Variants in FYN observed in about 807,000 individuals in gnomAD.
FYN encodes FYN proto-oncogene, Src family tyrosine kinase.
FYN carries 10 observed loss-of-function variants against 70.2 expected under a neutral mutation model. The observed-to-expected ratio is 0.14, with a 90% CI of 0.09 to 0.24. The LOEUF (loss-of-function observed/expected upper bound fraction) is 0.24. Ranked by LOEUF, FYN falls within the 10% of genes least tolerant of loss-of-function variation. The probability of loss-of-function intolerance (pLI) is 1.00; values close to 1 mark genes in which losing one functional copy is unlikely to be tolerated. For missense variants in FYN, 319 were observed against 673.1 expected (o/e 0.47, Z 5.82); for synonymous variants, 236 against 248.6 (o/e 0.95, Z 0.48).
rs970511419 is a variant in FYN at position 111,696,224 on chromosome 6, T to A, written c.1042+53A>T. ...GTAGGAAACTTCCATTTCTCTCCCC[T>A]AAACAACCCCTTAAGGCACTGTGAG... On this transcript the variant is annotated intron_variant, in intron 10 of 13. Coordinates refer to ENST00000354650, the MANE Select transcript of FYN (RefSeq NM_002037.5). 12 of 1,438,322 alleles carry A rather than the reference T, an allele frequency of 8.3e-6. No homozygotes were observed. In the East Asian group the frequency reaches 3.1e-4, roughly 37 times the overall value. The allele number at this position is 1,438,322 out of a possible 1,614,324, so 89.1% of individuals were successfully genotyped here.
chr6:111,826,689 T>G (rs200200612), intron 2 of FYN, among the ~76,000 whole-genome samples: 2 of 152,212 alleles, frequency 1.3e-5, no homozygotes, highest in Admixed American at 6.5e-5. Context: ...TAGTTTTGCA[T>G]AGGACATATC....
Position 111,675,564 on chromosome 6 carries a change from C to T in FYN, c.1274-934G>A, listed in dbSNP as rs559229082. Among the ~76,000 whole-genome samples, 7 of 152,034 alleles carry T rather than the reference C, an allele frequency of 4.6e-5. No homozygotes were observed. The South Asian group carries it at 6.2e-4, about 14-fold the overall frequency. On this transcript the variant is annotated intron_variant, in intron 12 of 13. Coordinates refer to ENST00000354650, the MANE Select transcript of FYN (RefSeq NM_002037.5). ...ATCCCAGCACCTTACAAGGCAGAGG[C>T]GGGCGGTCATTTGAGGTCAGGAGTT...
chr6:111,764,239 A>AAAAG (rs1212793752), intron 3 of FYN, among the ~76,000 whole-genome samples: 14 of 140,642 alleles, frequency 1.0e-4, no homozygotes, highest in African/African-American at 2.6e-4. Context: ...AAAAGAAAAG[A>AAAAG]AAAAAAAAGA....
In FYN at chr6:111,696,440, G is replaced by A. The variant is rs945930328; in HGVS notation, c.879C>T (p.Asn293=). 2.5e-6 allele frequency: 4 copies of A among 1,603,758 alleles called. No homozygotes were observed. The highest frequency in any genetic ancestry group is 3.4e-6 in the Non-Finnish European group (4 of 1,174,506). The change falls in exon 10 of 14, where the codon AAC becomes AAT. Residue 293 remains asparagine, a synonymous_variant. Coordinates refer to ENST00000354650, the MANE Select transcript of FYN (RefSeq NM_002037.5). ...TAAGAGTCTTTATGGCTACTTTTGT[G>A]TTTCCATTCCAGGTACCTACAAACA... ...GEVWMGTWNG[N]TKVAIKTLKP...
chr6:111,815,600 A>G (rs1772462108), intron 2 of FYN, among the ~76,000 whole-genome samples: 1 of 152,242 alleles, frequency 6.6e-6, no homozygotes, highest in African/African-American at 2.4e-5. Context: ...TGTAAAATAT[A>G]TAACTAGAGG....
chr6:111,680,766 A>C (rs779161714), intron 12 of FYN, among the ~76,000 whole-genome samples: 7 of 152,218 alleles, frequency 4.6e-5, no homozygotes, highest in Non-Finnish European at 7.3e-5. Flanking sequence ...CTCACATGTG[A>C]ATAATACCAA....
chr6:111,722,209 T>C (rs1800985132), intron 3 of FYN, among the ~76,000 whole-genome samples: 1 of 152,150 alleles, frequency 6.6e-6, no homozygotes, highest in Non-Finnish European at 1.5e-5. Context: ...AGAATGAAAA[T>C]GTTTGGAAAA....
At chr6:111,752,531 A>G (rs899455590) in intron 3 of FYN, among the ~76,000 whole-genome samples, 1 of 152,236 alleles carries the variant, frequency 6.6e-6, no homozygotes, top group South Asian at 2.1e-4. Flanking sequence ...CTAAATCTAG[A>G]GCAGGGTTGA....
chr6:111,691,453 G>A (rs1165610281), intron 12 of FYN, among the ~76,000 whole-genome samples: 1 of 152,186 alleles, frequency 6.6e-6, no homozygotes, highest in Admixed American at 6.5e-5. Context: ...TGTGGCCTGT[G>A]GGTAACATAA....
At chr6:111,664,265 G>A (rs922953171) in intron 13 of FYN, among the ~76,000 whole-genome samples, 4 of 148,730 alleles carry the variant, frequency 2.7e-5, no homozygotes, top group Admixed American at 1.3e-4. Flanking sequence ...AGGAACTGAG[G>A]GGAAACAGGC....
At chr6:111,796,600 A>G (rs2128517382) in intron 2 of FYN, among the ~76,000 whole-genome samples, 1 of 152,354 alleles carries the variant, frequency 6.6e-6, no homozygotes, top group South Asian at 2.1e-4. Flanking sequence ...GTGGTCTCCA[A>G]TTGAAGAAAA....
chr6:111,837,350 C>T (rs964166846), intron 2 of FYN, among the ~76,000 whole-genome samples: 2 of 151,826 alleles, frequency 1.3e-5, no homozygotes, highest in East Asian at 3.9e-4. Context: ...TTTTAAATTA[C>T]ATTTCCCCTA....
intron 1 of FYN, among the ~76,000 whole-genome samples, chr6:111,851,298 G>C (rs1385059831): frequency 6.6e-6 from 1 of 152,134 alleles, no homozygotes; most frequent in African/African-American, 2.4e-5. Flanking sequence ...ATTTATTTTA[G>C]CTCATTAAAA....
intron 2 of FYN, among the ~76,000 whole-genome samples, chr6:111,817,519 G>GA (rs1772527327): frequency 6.6e-6 from 1 of 152,130 alleles, no homozygotes; most frequent in Non-Finnish European, 1.5e-5. Context: ...ACTGAAAAAA[G>GA]AATCTCCATG....
intron 3 of FYN, among the ~76,000 whole-genome samples, chr6:111,771,770 G>A (rs1803462147): frequency 6.6e-6 from 1 of 152,196 alleles, no homozygotes; most frequent in Admixed American, 6.5e-5. Flanking sequence ...TAAAGATCCC[G>A]GTTTCCAGTC....
intron 2 of FYN, among the ~76,000 whole-genome samples, chr6:111,805,516 C>G (rs1772120068): frequency 6.6e-6 from 1 of 152,182 alleles, no homozygotes; most frequent in African/African-American, 2.4e-5. Context: ...CCTCACCAAA[C>G]CAGTCTTTAC....
chr6:111,725,663 C>A (rs1412206498), intron 3 of FYN, among the ~76,000 whole-genome samples: 1 of 152,200 alleles, frequency 6.6e-6, no homozygotes, highest in Non-Finnish European at 1.5e-5. Flanking sequence ...ATGGCCCCAG[C>A]CCAGCTATGA....
intron 8 of FYN, among the ~76,000 whole-genome samples, chr6:111,700,562 G>A (rs1341311490): frequency 6.6e-6 from 1 of 152,168 alleles, no homozygotes; most frequent in Admixed American, 6.5e-5. Context: ...ATGAGCCCAG[G>A]TACGATACAG....
intron 1 of FYN, among the ~76,000 whole-genome samples, chr6:111,859,125 C>G (rs1773895659): frequency 6.6e-6 from 1 of 152,182 alleles, no homozygotes. Flanking sequence ...GCTGTGCCCA[C>G]TCATCACATC....
Sources: allele counts gnomAD v4.1 joint callset (sites outside exome capture counted in the v4.1 genomes callset), GRCh38; gene constraint gnomAD v4.1.1; transcripts MANE v1.5; gene names NCBI Gene and HGNC (gene_info 2026-07-23, HGNC 2026-07-21).